Variants in RTN4 observed in about 807,000 individuals in gnomAD.
RTN4 encodes the protein reticulon 4.
RTN4 carries 32 observed loss-of-function variants against 90.4 expected under a neutral mutation model. That is an observed-to-expected ratio of 0.35 (90% CI 0.27 to 0.48). RTN4 has a LOEUF of 0.48. RTN4 is among the 20% of genes least tolerant of loss of function. The pLI is 0.99. For missense variants in RTN4, 1,706 were observed against 1,430.2 expected (o/e 1.19, Z -3.11); for synonymous variants, 629 against 552.5 (o/e 1.14, Z -1.94).
intron 3 of RTN4, among the ~76,000 whole-genome samples, chr2:55,011,123 C>T (rs1680598321): frequency 6.6e-6 from 1 of 152,180 alleles, no homozygotes; most frequent in African/African-American, 2.4e-5. Context: ...CAACCTCAAC[C>T]TCCCAGGCTC....
At chr2:55,010,809 A>T (rs911549111) in intron 3 of RTN4, among the ~76,000 whole-genome samples, 1 of 152,176 alleles carries the variant, frequency 6.6e-6, no homozygotes, top group African/African-American at 2.4e-5. Flanking sequence ...TAGCAACTTA[A>T]TCTTCCTAAT....
Position 54,989,948 on chromosome 2 carries a change from G to A in RTN4, c.3014-2250C>T, listed in dbSNP as rs113972608. ...AACACGGGGAGTGATGATAAAGACAGCCCTTGGTAGGATCACTCTTTCCTG... is the reference window on the plus strand; with the variant it reads ...AACACGGGGAGTGATGATAAAGACAACCCTTGGTAGGATCACTCTTTCCTG... On this transcript the variant is annotated intron_variant, in intron 3 of 8. Coordinates refer to ENST00000337526, the MANE Select transcript of RTN4 (RefSeq NM_020532.5). 1.0e-3 allele frequency among the ~76,000 whole-genome samples: 156 copies of A among 152,148 alleles called. 2 individuals carry two copies. Among genetic ancestry groups the A allele is most frequent in the African/African-American group, 3.7e-3 (154 of 41,500 alleles).
At chr2:54,973,915 G>A (rs200469506) in intron 6 of RTN4, 48 bp from the exon 7 acceptor site, 5 of 1,533,528 alleles carry the variant, frequency 3.3e-6, no homozygotes, top group Admixed American at 1.7e-5. Context: ...AATGATTTGG[G>A]AGGAATAAAC....
intron 1 of RTN4, among the ~76,000 whole-genome samples, chr2:55,099,901 T>C (rs1437748349): frequency 6.6e-6 from 1 of 152,144 alleles, no homozygotes; most frequent in African/African-American, 2.4e-5. Context: ...TTATTATTCT[T>C]ATTACTAGTC....
intron 1 of RTN4, among the ~76,000 whole-genome samples, chr2:55,106,107 T>G (rs1181436253): frequency 6.6e-6 from 1 of 152,158 alleles, no homozygotes; most frequent in Non-Finnish European, 1.5e-5. Context: ...GGGTTGTACT[T>G]TTTAATATCA....
At chr2:55,119,892 C>T in the RTN4 span, among the ~76,000 whole-genome samples, 5 of 152,238 alleles carry the variant, frequency 3.3e-5, no homozygotes, top group Non-Finnish European at 5.9e-5. Flanking sequence ...GACCAGCTGG[C>T]TTCTCATTTC....
At chr2:55,020,380 C>A (rs1333743883) in intron 3 of RTN4, among the ~76,000 whole-genome samples, 1 of 151,188 alleles carries the variant, frequency 6.6e-6, no homozygotes, top group Non-Finnish European at 1.5e-5. Context: ...GAACAGATAA[C>A]CCAGAAATTA....
chr2:55,016,710 A>G (rs1433115070), intron 3 of RTN4, among the ~76,000 whole-genome samples: 1 of 152,122 alleles, frequency 6.6e-6, no homozygotes, highest in East Asian at 1.9e-4. Flanking sequence ...GCTTTTCTAC[A>G]TTTTTCAAAT....
intron 2 of RTN4, among the ~76,000 whole-genome samples, chr2:55,059,386 C>A (rs1668249278): frequency 6.6e-6 from 1 of 151,826 alleles, no homozygotes; most frequent in Non-Finnish European, 1.5e-5. Flanking sequence ...GACAGTCTCA[C>A]TCTGTTGCCC....
rs745456385 is a variant in RTN4, at chr2:54,987,640, G to A, written c.3072C>T (p.Ser1024=). The A allele has an allele frequency of 9.3e-6, 15 of 1,614,070 alleles. No individual in the cohort carries two copies. In the East Asian group the frequency reaches 2.9e-4, roughly 31 times the overall value. The part of the protein sequence containing the change: ...IKKTGVVFGA[S]LFLLLSLTVF... ...CTGTCAATGAAAGCAGCAGGAATAG[G>A]CTGGCACCAAACACCACTCCAGTCT... The change falls in exon 4 of 9, where the codon AGC becomes AGT. Residue 1024 remains serine (S), a synonymous_variant. Coordinates refer to ENST00000337526, the MANE Select transcript of RTN4 (RefSeq NM_020532.5).
At chr2:55,076,338 C>T (rs1364411260) in intron 2 of RTN4, among the ~76,000 whole-genome samples, 1 of 149,624 alleles carries the variant, frequency 6.7e-6, no homozygotes, top group South Asian at 2.1e-4. Flanking sequence ...AAATGCTCAA[C>T]ATCACTACTT....
At chr2:54,980,759 C>T (rs2919126) in intron 5 of RTN4, among the ~76,000 whole-genome samples, 130,051 of 152,238 alleles carry the variant, frequency 0.85, 55,992 homozygotes, top group African/African-American at 0.97. Context: ...TTACTACTTA[C>T]AGACAGTATT....
chr2:54,974,736 T>A lies in RTN4; in HGVS notation c.3389A>T (p.Tyr1130Phe). The change falls in exon 6 of 9, where the codon TAT (tyrosine) becomes TTT (phenylalanine). Residue 1130 changes from tyrosine (Y) to phenylalanine (F), a missense_variant. Transcript: ENST00000337526. ...KFAVLMWVFT[Y>F]VGALFNGLTL... ...CAGACCATTAAACAAGGCACCAACA[T>A]AGGTAAATACCCACATCAACACTGC... 1.9e-6 allele frequency: 3 copies of A among 1,613,986 alleles called. No individual in the cohort carries two copies. Among genetic ancestry groups the A allele is most frequent in the Non-Finnish European group, 2.5e-6 (3 of 1,179,860 alleles).
the RTN4 span, among the ~76,000 whole-genome samples, chr2:55,134,904 G>T: frequency 6.6e-6 from 1 of 152,174 alleles, no homozygotes; most frequent in Non-Finnish European, 1.5e-5. Context: ...GTCCAACATA[G>T]TAGCCACTTG....
chr2:55,060,925 A>G (rs1488200344), intron 2 of RTN4, among the ~76,000 whole-genome samples: 1 of 152,166 alleles, frequency 6.6e-6, no homozygotes, highest in African/African-American at 2.4e-5. Context: ...GTCTCAAAAT[A>G]AAGAAGACTT....
chr2:55,093,231 G>A (rs954969844), intron 1 of RTN4, among the ~76,000 whole-genome samples: 4 of 152,220 alleles, frequency 2.6e-5, no homozygotes, highest in African/African-American at 7.2e-5. Context: ...ATACCTGTAA[G>A]TGCCTAGTTC....
chr2:55,096,751 C>T (rs1030632305), intron 1 of RTN4, among the ~76,000 whole-genome samples: 2 of 151,214 alleles, frequency 1.3e-5, no homozygotes, highest in Non-Finnish European at 2.9e-5. Context: ...GCCATGCTAG[C>T]ACTCCACCAC....
chr2:55,066,342 G>A lies in RTN4; in HGVS notation c.-63+14147C>T, dbSNP rs548776236. 8.5e-5 allele frequency among the ~76,000 whole-genome samples: 13 copies of A among 152,164 alleles called. No individual in the cohort carries two copies. The East Asian group carries it at 2.3e-3, about 27-fold the overall frequency. On this transcript the variant is annotated intron_variant, in intron 2 of 3. Coordinates refer to the RTN4 transcript ENST00000427710. Reference sequence around the variant, plus strand: ...CTGGGATGTGGGACTGAGGGCTGGGGTTTGTACATAAACTCTTATTTTTCA... The same window carrying A: ...CTGGGATGTGGGACTGAGGGCTGGGATTTGTACATAAACTCTTATTTTTCA...
chr2:55,077,792 C>CACACACACACACACAG (rs1668630695), intron 2 of RTN4, among the ~76,000 whole-genome samples: 1 of 146,406 alleles, frequency 6.8e-6, no homozygotes, highest in African/African-American at 2.5e-5. Flanking sequence ...CACACACACA[C>CACACACACACACACAG]AGACACACCA....
Sources: allele counts gnomAD v4.1 joint callset (sites outside exome capture counted in the v4.1 genomes callset), GRCh38; gene constraint gnomAD v4.1.1; transcripts MANE v1.5; gene names NCBI Gene and HGNC (gene_info 2026-07-23, HGNC 2026-07-21).